DIDO1: variants seen among roughly 807,000 people sequenced by gnomAD.
The protein encoded by DIDO1 is death inducer-obliterator 1.
Under a neutral mutation model 99.4 loss-of-function variants are expected in DIDO1, and 16 were observed. The observed-to-expected ratio is 0.16, with a 90% CI of 0.11 to 0.24. The LOEUF is 0.24. Among genes scored for constraint, DIDO1 ranks in the 10% least tolerant of loss-of-function variants. The pLI is 1.00. For missense variants in DIDO1, 2,996 were observed against 3,014.0 expected (o/e 0.99, Z 0.14); for synonymous variants, 1,366 against 1,239.1 (o/e 1.10, Z -2.15).
upstream of DIDO1, chr20:62,928,777 G>A (rs1049249669): frequency 6.6e-6 from 1 of 152,178 alleles, no homozygotes; most frequent in Non-Finnish European, 1.5e-5. Context: ...CAGAAAGCAG[G>A]AAGGGGGCCA....
chr20:62,931,816 T>A (rs747333907), intron 1 of DIDO1, among the ~76,000 whole-genome samples: 4 of 152,188 alleles, frequency 2.6e-5, no homozygotes, highest in Non-Finnish European at 4.4e-5. Flanking sequence ...CAGGCTACAA[T>A]TAAAGATTTT....
chr20:62,910,776 G>GC lies in DIDO1; in HGVS notation c.836_837insG (p.Asn279LysfsTer8). 1 of 1,610,436 alleles carries GC rather than the reference G, an allele frequency of 6.2e-7. No homozygotes were observed. The highest frequency in any genetic ancestry group is 8.5e-7 in the Non-Finnish European group (1 of 1,176,874). On this transcript the variant is annotated frameshift_variant, in exon 3 of 16. Transcript: ENST00000395343. LOFTEE classifies it high-confidence loss of function. ...GTGGGTGCCCACACATGACCCACCT[G>GC]TTGTTGTGAGGCTGGCGGCAAATGC...
At chr20:62,892,508 G>A (rs1351613322) in intron 13 of DIDO1, among the ~76,000 whole-genome samples, 1 of 152,204 alleles carries the variant, frequency 6.6e-6, no homozygotes, top group African/African-American at 2.4e-5. Context: ...ACACCTGGCT[G>A]TGCCGGTGGC....
chr20:62,924,130 T>C (rs951877302), intron 1 of DIDO1, among the ~76,000 whole-genome samples: 5 of 152,228 alleles, frequency 3.3e-5, no homozygotes, highest in Admixed American at 1.3e-4. Context: ...TATAGAACTT[T>C]TGTAATGCAA....
chr20:62,890,555 A>C (rs2064375780), intron 15 of DIDO1: 2 of 1,016,628 alleles, frequency 2.0e-6, no homozygotes, highest in Non-Finnish European at 1.2e-6. Flanking sequence ...CCTGTTAGAG[A>C]AGTGATCCCT....
At chr20:62,885,235 G>A (rs1403073800) in intron 15 of DIDO1, among the ~76,000 whole-genome samples, 3 of 152,166 alleles carry the variant, frequency 2.0e-5, no homozygotes, top group Non-Finnish European at 4.4e-5. Flanking sequence ...ACAGGCATGG[G>A]CTAGGCCTCG....
chr20:62,911,073 G>C lies in DIDO1; in HGVS notation c.540C>G (p.Pro180=), dbSNP rs762090477. ...GCAGGCGACTCTGGATCCCTTTCAGGGGCCTCTCAGTGGGCTCCTGTTCCC... is the reference window on the plus strand; with the variant it reads ...GCAGGCGACTCTGGATCCCTTTCAGCGGCCTCTCAGTGGGCTCCTGTTCCC... The part of the protein sequence containing the change: ...RKREQEPTER[P]LKGIQSRLRK... Residue 180 remains proline (P), a synonymous_variant, in exon 3 of 16, where the codon CCC becomes CCG. Transcript: ENST00000395343. The surrounding 1 kb of genome is among the most constrained non-coding windows in gnomAD (Gnocchi z 7.0). 6.2e-7 allele frequency: 1 copy of C among 1,613,794 alleles called. No homozygotes were observed. The highest frequency in any genetic ancestry group is 1.7e-5 in the Admixed American group (1 of 60,030).
At chr20:62,905,626 G>T (rs753000505) in intron 6 of DIDO1, 46 of 1,555,246 alleles carry the variant, frequency 3.0e-5, no homozygotes, top group Non-Finnish European at 3.7e-5. Flanking sequence ...AGAGATTAAA[G>T]AATCAATCAT....
At chr20:62,929,779 G>A (rs1364348422), upstream of DIDO1, among the ~76,000 whole-genome samples, 1 of 138,284 alleles carries the variant, frequency 7.2e-6, no homozygotes, top group South Asian at 2.3e-4. Context: ...TTGAGAAACT[G>A]ATGAATTTTC....
At position 62,881,260 on chromosome 20, in the gene DIDO1, G is replaced by A; in HGVS notation, c.4696C>T (p.Leu1566=). The A allele has an allele frequency of 1.2e-6, 2 of 1,602,088 alleles. No individual in the cohort carries two copies. The highest frequency in any genetic ancestry group is 1.7e-6 in the Non-Finnish European group (2 of 1,178,118). Reference sequence around the variant, plus strand: ...TCCCCCTCACCGGTCTCAGTGGCCAGGCGCCTCGCCTGCCGGGGGTCCCTG... The same window carrying A: ...TCCCCCTCACCGGTCTCAGTGGCCAAGCGCCTCGCCTGCCGGGGGTCCCTG... The part of the protein sequence containing the change: ...NHRDPRQARR[L]ATETGEGEGE... Residue 1566 remains leucine (L), a synonymous_variant, in exon 16 of 16, where the codon CTG becomes TTG. Transcript: ENST00000395343. The surrounding 1 kb of genome is among the most constrained non-coding windows in gnomAD (Gnocchi z 8.3).
At chr20:62,907,935 T>A (rs1030622585) in intron 4 of DIDO1, among the ~76,000 whole-genome samples, 1 of 152,150 alleles carries the variant, frequency 6.6e-6, no homozygotes, top group African/African-American at 2.4e-5. Flanking sequence ...AGATAAACAA[T>A]GAGTAATTTT....
intron 1 of DIDO1, among the ~76,000 whole-genome samples, chr20:62,925,952 G>A (rs2065244042): frequency 6.6e-6 from 1 of 152,212 alleles, no homozygotes; most frequent in South Asian, 2.1e-4. Flanking sequence ...AGGCACGCCA[G>A]AAGCTAAGCC....
In DIDO1 at chr20:62,905,917, C is replaced by T; in HGVS notation, c.1558G>A (p.Ala520Thr). ...NYNAVKPEKT[A>T]APSPSLLYKS... ...TACAACAGTGACGGCGAGGGAGCAG[C>T]AGTCTTTTCTGGCTTTACTGCATTG... Residue 520 changes from alanine to threonine, a missense_variant, in exon 6 of 16, where the codon GCT (alanine) becomes ACT (threonine). This residue lies in a region of DIDO1 where 898 missense variants were observed against 972.7 expected (regional missense o/e 0.92). Coordinates refer to ENST00000395343, the MANE Select transcript of DIDO1 (RefSeq NM_001193369.2). 6.2e-7 allele frequency: 1 copy of T among 1,614,132 alleles called. No individual in the cohort carries two copies. The highest frequency in any genetic ancestry group is 8.5e-7 in the Non-Finnish European group (1 of 1,180,036).
chr20:62,890,697 C>T, intron 15 of DIDO1: 1 of 1,325,388 alleles, frequency 7.5e-7, no homozygotes, highest in East Asian at 3.3e-5. Context: ...TGACCTGAGG[C>T]CAAGATGAGC....
rs138159011 is a variant in DIDO1 at position 62,912,664 on chromosome 20, C to T, written c.-2-1050G>A. On this transcript the variant is annotated intron_variant, in intron 2 of 15. Transcript: ENST00000395343. Reference sequence around the variant, plus strand: ...TCCAAGCTTTAATTACATTTCAATGCTAATGATGACTCTGATTTTATGCCA... The same window carrying T: ...TCCAAGCTTTAATTACATTTCAATGTTAATGATGACTCTGATTTTATGCCA... 5.3e-3 allele frequency among the ~76,000 whole-genome samples: 802 copies of T among 152,274 alleles called. 8 individuals are homozygous for T. Among genetic ancestry groups the T allele is most frequent in the African/African-American group, 0.018 (761 of 41,546 alleles).
chr20:62,916,794 A>C (rs1231549137), intron 1 of DIDO1, among the ~76,000 whole-genome samples: 2 of 152,204 alleles, frequency 1.3e-5, no homozygotes, highest in African/African-American at 4.8e-5. Context: ...CTGGATGTTC[A>C]CTGATACTAC....
upstream of DIDO1, among the ~76,000 whole-genome samples, chr20:62,926,687 T>C (rs2065263223): frequency 6.6e-6 from 1 of 152,212 alleles, no homozygotes; most frequent in Admixed American, 6.5e-5. Flanking sequence ...ATGACTTGCT[T>C]GCATCCTTTG....
At position 62,910,991 on chromosome 20, in the gene DIDO1, T is replaced by C. The variant is rs746361252; in HGVS notation, c.622A>G (p.Thr208Ala). 6.2e-7 allele frequency: 1 copy of C among 1,613,984 alleles called. No individual in the cohort carries two copies. Among genetic ancestry groups the C allele is most frequent in the Admixed American group, 1.7e-5 (1 of 60,016 alleles). ...AETVGSEASD[T>A]VEGVLPSKQE... is the part of the protein sequence containing the mutation. ...TTACTGGGCAGGACGCCCTCCACAG[T>C]GTCACTGGCCTCGGAGCCCACAGTC... The change falls in exon 3 of 16, where the codon ACT (threonine) becomes GCT (alanine). Residue 208 changes from threonine (T) to alanine (A), a missense_variant. Around this residue, in one of 5 missense-constraint regions of DIDO1, gnomAD observed 388 missense variants for 376.6 expected, o/e 1.03. Coordinates refer to ENST00000395343, the MANE Select transcript of DIDO1 (RefSeq NM_001193369.2).
intron 8 of DIDO1, 93 bp from the exon 9 acceptor site, chr20:62,895,258 C>T (rs989713440): frequency 2.2e-5 from 26 of 1,208,460 alleles, no homozygotes; most frequent in East Asian, 9.4e-5. Context: ...AGAAGTTTAG[C>T]GGGCACAGGA....
Sources: allele counts gnomAD v4.1 joint callset (sites outside exome capture counted in the v4.1 genomes callset), GRCh38; gene constraint gnomAD v4.1.1; regional missense constraint gnomAD v4.1.1; non-coding constraint Gnocchi (gnomAD v3.1); transcripts MANE v1.5; gene names NCBI Gene and HGNC (gene_info 2026-07-23, HGNC 2026-07-21).